Variants in TXNRD1 observed in about 807,000 individuals in gnomAD.
TXNRD1 encodes thioredoxin reductase 1, cytoplasmic.
In TXNRD1, 57 loss-of-function variants were observed where a neutral mutation model predicts 80.3. That is an observed-to-expected ratio of 0.71 (90% CI 0.57 to 0.89). TXNRD1 has a LOEUF of 0.89. Among genes scored for constraint, TXNRD1 ranks in the 40% least tolerant of loss-of-function variants. The probability of loss-of-function intolerance (pLI) is 0.00; values close to 1 mark genes in which losing one functional copy is unlikely to be tolerated. For missense variants in TXNRD1, 730 were observed against 803.0 expected (o/e 0.91, Z 1.10); for synonymous variants, 291 against 285.2 (o/e 1.02, Z -0.20).
chr12:104,335,174 A>G (rs530106077), intron 15 of TXNRD1, among the ~76,000 whole-genome samples: 1 of 151,386 alleles, frequency 6.6e-6, no homozygotes, highest in South Asian at 2.1e-4. Flanking sequence ...GGTGAATAAG[A>G]GTACAATATG....
intron 4 of TXNRD1, 34 bp from the exon 5 acceptor site, chr12:104,311,256 T>C: frequency 6.5e-7 from 1 of 1,530,600 alleles, no homozygotes; most frequent in East Asian, 2.4e-5. Context: ...TGATTTTAAG[T>C]TAAATTATTT....
intron 3 of TXNRD1, chr12:104,287,009 A>G (rs2033989346): frequency 7.5e-7 from 1 of 1,336,638 alleles, no homozygotes; most frequent in African/African-American, 1.5e-5. Context: ...GGAAACAGCA[A>G]CCCTTTCACC....
chr12:104,267,691 TTCTTTCTTTCTCTC>T (rs1565870227), intron 3 of TXNRD1, among the ~76,000 whole-genome samples: 5 of 49,246 alleles, frequency 1.0e-4, no homozygotes, highest in Admixed American at 2.3e-4. Flanking sequence ...CTTTCTTTCT[TTCTTTCTTTCTCTC>T]TTTCTTTCTT....
At chr12:104,344,319 G>T (rs1474120971) in intron 16 of TXNRD1, among the ~76,000 whole-genome samples, 1 of 151,904 alleles carries the variant, frequency 6.6e-6, no homozygotes, top group Non-Finnish European at 1.5e-5. Context: ...TTTAATGGGG[G>T]TTGGAGAGAG....
chr12:104,256,336 T>C (rs1222502363), intron 2 of TXNRD1, among the ~76,000 whole-genome samples: 1 of 152,228 alleles, frequency 6.6e-6, no homozygotes, highest in Admixed American at 6.5e-5. Context: ...TTTGCGTGCA[T>C]CTTGCTGTGA....
At chr12:104,313,465 C>T in intron 6 of TXNRD1, 148 bp downstream of exon 6, 2 of 615,080 alleles carry the variant, frequency 3.3e-6, no homozygotes, top group South Asian at 2.6e-5. Flanking sequence ...TTTATTTGAG[C>T]CAAGTTAAAA....
At chr12:104,324,091 C>G (rs1252572820) in intron 10 of TXNRD1, among the ~76,000 whole-genome samples, 1 of 152,096 alleles carries the variant, frequency 6.6e-6, no homozygotes, top group Non-Finnish European at 1.5e-5. Context: ...ACCAAAAAGG[C>G]CTGATTGAAG....
chr12:104,330,969 T>TA (rs1486693134), intron 13 of TXNRD1, among the ~76,000 whole-genome samples: 1 of 152,128 alleles, frequency 6.6e-6, no homozygotes, highest in African/African-American at 2.4e-5. Flanking sequence ...TAGCCTTTTC[T>TA]GTATATCAAA....
At chr12:104,250,714 TGAA>T (rs2033100627) in intron 1 of TXNRD1, among the ~76,000 whole-genome samples, 4 of 152,210 alleles carry the variant, frequency 2.6e-5, no homozygotes, top group Admixed American at 2.6e-4. Context: ...ATAAGGAGAT[TGAA>T]GAAGGATGAA....
intron 7 of TXNRD1, among the ~76,000 whole-genome samples, chr12:104,316,808 C>T (rs1232672854): frequency 6.6e-6 from 1 of 152,166 alleles, no homozygotes; most frequent in African/African-American, 2.4e-5. Context: ...GAAACTCCAA[C>T]CCCTATGTGA....
intron 15 of TXNRD1, among the ~76,000 whole-genome samples, chr12:104,337,886 A>G (rs1330886216): frequency 6.6e-6 from 1 of 151,292 alleles, no homozygotes; most frequent in Non-Finnish European, 1.5e-5. Flanking sequence ...TCCTGGGCTC[A>G]AGCATTCCTC....
At chr12:104,245,385 CACATGT>C (rs1717934014) in intron 1 of TXNRD1, among the ~76,000 whole-genome samples, 1 of 151,154 alleles carries the variant, frequency 6.6e-6, no homozygotes, top group African/African-American at 2.4e-5. Flanking sequence ...GTGGCACAGG[CACATGT>C]CGGTAATCCC....
intron 1 of TXNRD1, among the ~76,000 whole-genome samples, chr12:104,250,215 A>G (rs2033090252): frequency 6.6e-6 from 1 of 152,166 alleles, no homozygotes; most frequent in African/African-American, 2.4e-5. Flanking sequence ...CATGCAAAAG[A>G]AGAAAGTGGA....
chr12:104,267,787 C>A (rs1216455100), intron 3 of TXNRD1, among the ~76,000 whole-genome samples: 1 of 140,594 alleles, frequency 7.1e-6, no homozygotes, highest in Non-Finnish European at 1.5e-5. Context: ...CCCTTCCCTC[C>A]TTCCTTCCTT....
At chr12:104,233,890 A>G (rs1300578005) in intron 1 of TXNRD1, among the ~76,000 whole-genome samples, 2 of 152,224 alleles carry the variant, frequency 1.3e-5, no homozygotes, top group Admixed American at 1.3e-4. Context: ...AATCAAAACA[A>G]GGATCAGCAA....
intron 2 of TXNRD1, among the ~76,000 whole-genome samples, chr12:104,254,644 A>AAAAAAAAAAAATATATATATAT: frequency 2.1e-5 from 2 of 93,638 alleles, no homozygotes; most frequent in East Asian, 2.7e-4. Flanking sequence ...AAAAAAAAAA[A>AAAAAAAAAAAATATATATATAT]ATATATATAT....
At chr12:104,253,520 G>T (rs926243505) in intron 2 of TXNRD1, among the ~76,000 whole-genome samples, 1 of 152,150 alleles carries the variant, frequency 6.6e-6, no homozygotes, top group Non-Finnish European at 1.5e-5. Context: ...GAATTTAGAA[G>T]AGGGCTGGGC....
intron 4 of TXNRD1, among the ~76,000 whole-genome samples, chr12:104,306,723 G>A (rs543925429): frequency 2.0e-5 from 3 of 152,172 alleles, no homozygotes; most frequent in Admixed American, 1.3e-4. Flanking sequence ...ATGAAAGAGC[G>A]CTGACCCTTG....
At chr12:104,229,339 G>A (rs2032558176) in intron 1 of TXNRD1, among the ~76,000 whole-genome samples, 1 of 151,190 alleles carries the variant, frequency 6.6e-6, no homozygotes, top group Admixed American at 6.6e-5. Flanking sequence ...GTAGAGTCAG[G>A]GTTTCACCGT....
Sources: gnomAD v4.1 joint callset for allele counts (sites outside exome capture counted in the v4.1 genomes callset) on GRCh38, gnomAD v4.1.1 for gene constraint, MANE v1.5 for transcripts, NCBI Gene and HGNC (gene_info 2026-07-23, HGNC 2026-07-21) for gene names.